NEUROD4: variants seen among roughly 807,000 people sequenced by gnomAD.
The protein encoded by NEUROD4 is neurogenic differentiation factor 4.
NEUROD4 carries 16 observed loss-of-function variants against 19.8 expected under a neutral mutation model. That is an observed-to-expected ratio of 0.81 (90% confidence interval 0.55 to 1.23). The LOEUF is 1.23. Among genes scored for constraint, NEUROD4 ranks in the 50% most tolerant of loss-of-function variants. The pLI is 0.00. For synonymous variants in NEUROD4, 153 were observed against 147.9 expected (o/e 1.03, Z -0.25); for missense variants, 439 against 398.6 (o/e 1.10, Z -0.86).
At chr12:55,025,999 TAAC>T (rs1380898828) in intron 1 of NEUROD4, among the ~76,000 whole-genome samples, 2 of 152,210 alleles carry the variant, frequency 1.3e-5, no homozygotes, top group Admixed American at 6.5e-5. Context: ...TATTTTGTAG[TAAC>T]AATAATTATT....
chr12:55,029,157 T>A lies in NEUROD4; in HGVS notation c.*1722T>A, dbSNP rs1952767154. On this transcript the variant is annotated 3_prime_UTR_variant, in exon 2 of 2. Transcript: ENST00000242994. ...TATCTTGTCTGTTTACCTCTCTTAT[T>A]TATTATCTCCATACAGTATAAGTTA... The A allele has an allele frequency of 6.0e-6, 1 of 165,398 alleles. No homozygotes were observed. The highest frequency in any genetic ancestry group is 2.5e-5 in the African/African-American group (1 of 40,584). 10.2% of individuals were successfully genotyped at this position (165,398 alleles called of 1,614,324 possible).
chr12:55,022,095 A>G (rs1408431964), intron 1 of NEUROD4, among the ~76,000 whole-genome samples: 1 of 152,066 alleles, frequency 6.6e-6, no homozygotes, highest in Non-Finnish European at 1.5e-5. Context: ...TTATCTCCTT[A>G]TTTTTCATGA....
rs528907894 is a variant in NEUROD4, at chr12:55,029,935, T to C, written c.*2500T>C. Reference sequence around the variant, plus strand: ...GGAGACTTTTTTAGATAAAGTAAAATAATTGTTTAAATATTTTGTTTAAAA... The same window carrying C: ...GGAGACTTTTTTAGATAAAGTAAAACAATTGTTTAAATATTTTGTTTAAAA... On this transcript the variant is annotated 3_prime_UTR_variant, in exon 2 of 2. Transcript: ENST00000242994. The C allele has an allele frequency of 6.0e-6, 1 of 167,126 alleles. No homozygotes were observed. Among genetic ancestry groups the C allele is most frequent in the Non-Finnish European group, 1.5e-5 (1 of 68,094 alleles). 10.4% of individuals were successfully genotyped at this position (167,126 alleles called of 1,614,324 possible).
chr12:55,026,826 T>C lies in NEUROD4; in HGVS notation c.387T>C (p.Leu129=), dbSNP rs778315500. 2 of 1,614,112 alleles carry C rather than the reference T, an allele frequency of 1.2e-6. No individual in the cohort carries two copies. Among genetic ancestry groups the C allele is most frequent in the South Asian group, 2.2e-5 (2 of 91,080 alleles). Residue 129 remains leucine (L), a synonymous_variant, in exon 2 of 2, where the codon CTT becomes CTC. Transcript: ENST00000242994. ...AAAAACTTTCCAAGATAGAGACTCT[T>C]AGACTGGCCAGGAACTATATTTGGG... ...KTQKLSKIET[L]RLARNYIWAL...
At position 55,020,296 on chromosome 12, in the gene NEUROD4, G is replaced by A. The variant is rs959870998; in HGVS notation, c.-27G>A. 2.6e-5 allele frequency: 4 copies of A among 152,284 alleles called. No homozygotes were observed. Among genetic ancestry groups the A allele is most frequent in the African/African-American group, 7.2e-5 (3 of 41,446 alleles). 9.4% of individuals were successfully genotyped at this position (152,284 alleles called of 1,614,324 possible). A position where few individuals can be genotyped will look rare whatever the true frequency, so the allele number is the denominator to read the frequency against. The stretch of plus-strand genomic sequence containing the variant: ...CGCAGATTCACAGAGTTCACTCCAG[G>A]AACGGCCAGTGACCGAGGTGAGCCA... On this transcript the variant is annotated 5_prime_UTR_variant, in exon 1 of 2. Coordinates refer to ENST00000242994, the MANE Select transcript of NEUROD4 (RefSeq NM_021191.3).
chr12:55,021,856 A>G (rs1169977448), intron 1 of NEUROD4, among the ~76,000 whole-genome samples: 2 of 152,132 alleles, frequency 1.3e-5, no homozygotes, highest in African/African-American at 2.4e-5. Context: ...TGTGTAGGGA[A>G]GGGCCAGATT....
In NEUROD4 at chr12:55,026,809, T is replaced by C. The variant is rs765828652; in HGVS notation, c.370T>C (p.Ser124Pro). Residue 124 changes from serine to proline, a missense_variant, in exon 2 of 2, where the codon TCC becomes CCC. Transcript: ENST00000242994. ...MPCYSKTQKL[S>P]KIETLRLARN... is the part of the protein sequence containing the mutation. ...ATGCTACTCTAAAACCCAAAAACTTTCCAAGATAGAGACTCTTAGACTGGC... is the reference window on the plus strand; with the variant it reads ...ATGCTACTCTAAAACCCAAAAACTTCCCAAGATAGAGACTCTTAGACTGGC... 9 of 1,613,930 alleles carry C rather than the reference T, an allele frequency of 5.6e-6. No homozygotes were observed. The highest frequency in any genetic ancestry group is 2.5e-6 in the Non-Finnish European group (3 of 1,180,012).
intron 1 of NEUROD4, among the ~76,000 whole-genome samples, chr12:55,021,084 T>C (rs563782035): frequency 1.2e-3 from 182 of 152,334 alleles, no homozygotes; most frequent in Non-Finnish European, 1.2e-3. Context: ...AATAAGGGAC[T>C]GAATAACTTC....
chr12:55,027,480 C>T lies in NEUROD4; in HGVS notation c.*45C>T, dbSNP rs1323770949. 6 of 1,528,606 alleles carry T rather than the reference C, an allele frequency of 3.9e-6. No homozygotes were observed. Among genetic ancestry groups the T allele is most frequent in the African/African-American group, 2.8e-5 (2 of 71,958 alleles). 94.7% of individuals were successfully genotyped at this position (1,528,606 alleles called of 1,614,324 possible). On this transcript the variant is annotated 3_prime_UTR_variant, in exon 2 of 2. Transcript: ENST00000242994. Reference sequence around the variant, plus strand: ...TCAGAGAATGACGTGGAGACATTTTCCATAATTCAAGTGGTTGAGCTAAAG... The same window carrying T: ...TCAGAGAATGACGTGGAGACATTTTTCATAATTCAAGTGGTTGAGCTAAAG...
intron 1 of NEUROD4, among the ~76,000 whole-genome samples, chr12:55,020,968 C>A (rs1432015458): frequency 4.6e-5 from 7 of 151,884 alleles, no homozygotes. Context: ...CATCATTTGC[C>A]CGCAAAAAAA....
chr12:55,020,802 T>G (rs1952668806), intron 1 of NEUROD4, among the ~76,000 whole-genome samples: 2 of 152,154 alleles, frequency 1.3e-5, no homozygotes, highest in Non-Finnish European at 2.9e-5. Flanking sequence ...TGGAAAATCC[T>G]CGGGGTAGAT....
rs1040188052 is a variant in NEUROD4, at chr12:55,028,542, G to T, written c.*1107G>T. The T allele has an allele frequency of 1.8e-5, 3 of 166,912 alleles. No homozygotes were observed. Among genetic ancestry groups the T allele is most frequent in the African/African-American group, 7.2e-5 (3 of 41,382 alleles). The allele number at this position is 166,912 out of a possible 1,614,324, so 10.3% of individuals were successfully genotyped here. ...AGATGAATTTCATTTGGTTAAACGT[G>T]ATTAAAACCATCCACCTCTGTCCAC... On this transcript the variant is annotated 3_prime_UTR_variant, in exon 2 of 2. Transcript: ENST00000242994.
rs1398423319 is a variant in NEUROD4 at position 55,027,339 on chromosome 12, T to TG, written c.902dup (p.Thr302TyrfsTer5). 1.2e-6 allele frequency: 2 copies of TG among 1,614,172 alleles called. 1 individual carries two copies. The highest frequency in any genetic ancestry group is 3.3e-5 in the Admixed American group (2 of 60,020). On this transcript the variant is annotated frameshift_variant, in exon 2 of 2. Coordinates refer to ENST00000242994, the MANE Select transcript of NEUROD4 (RefSeq NM_021191.3). LOFTEE classifies it high-confidence loss of function. ...ATGTGCATTCAACTCCTTTTCAGGC[T>TG]GGTACCCCCCGTTATGATGTTCCTA...
chr12:55,022,482 T>C (rs190888838), intron 1 of NEUROD4, among the ~76,000 whole-genome samples: 20 of 152,182 alleles, frequency 1.3e-4, no homozygotes, highest in Non-Finnish European at 2.6e-4. Flanking sequence ...CATTTTTCTT[T>C]ATATTTCAGG....
In NEUROD4 at chr12:55,029,882, C is replaced by T. The variant is rs1952772692; in HGVS notation, c.*2447C>T. The T allele has an allele frequency of 6.0e-6, 1 of 167,028 alleles. No homozygotes were observed. The highest frequency in any genetic ancestry group is 1.5e-5 in the Non-Finnish European group (1 of 68,104). 10.3% of individuals were successfully genotyped at this position (167,028 alleles called of 1,614,324 possible). On this transcript the variant is annotated 3_prime_UTR_variant, in exon 2 of 2. Transcript: ENST00000242994. Reference sequence around the variant, plus strand: ...TGCAATAGCTTGTAAAGAGCCTGCTCTCCAACATAGGGTGGTCTCATTCTT... The same window carrying T: ...TGCAATAGCTTGTAAAGAGCCTGCTTTCCAACATAGGGTGGTCTCATTCTT...
chr12:55,024,957 A>G (rs192354021), intron 1 of NEUROD4, among the ~76,000 whole-genome samples: 2 of 152,342 alleles, frequency 1.3e-5, no homozygotes, highest in East Asian at 1.9e-4. Flanking sequence ...TTTAAAAGCT[A>G]TGTACTAATC....
Position 55,026,662 on chromosome 12 carries a change from AAG to A in NEUROD4, c.225_226del (p.Lys76AspfsTer7). 1 of 1,614,124 alleles carries A rather than the reference AAG, an allele frequency of 6.2e-7. No individual in the cohort carries two copies. The highest frequency in any genetic ancestry group is 8.5e-7 in the Non-Finnish European group (1 of 1,180,006). On this transcript the variant is annotated frameshift_variant, in exon 2 of 2. Transcript: ENST00000242994. LOFTEE classifies it high-confidence loss of function. ...ACCTAAGAGAAGGGGTCCCAAGAAA[AAG>A]AAGATGACCAAAGCTCGCCTTGAGA... The part of the protein sequence containing the change: ...EKPKRRGPKK[K>X]KMTKARLERF...
chr12:55,023,278 C>T (rs1952687622), intron 1 of NEUROD4, among the ~76,000 whole-genome samples: 1 of 151,928 alleles, frequency 6.6e-6, no homozygotes, highest in East Asian at 1.9e-4. Context: ...GAGGTAATAT[C>T]CAGATAATAA....
At position 55,028,596 on chromosome 12, in the gene NEUROD4, CCAAT is replaced by C. The variant is rs1307282021; in HGVS notation, c.*1166_*1169del. 1.2e-5 allele frequency: 2 copies of C among 166,990 alleles called. No individual in the cohort carries two copies. The highest frequency in any genetic ancestry group is 2.9e-5 in the Non-Finnish European group (2 of 68,118). 10.3% of individuals were successfully genotyped at this position (166,990 alleles called of 1,614,324 possible). On this transcript the variant is annotated 3_prime_UTR_variant, in exon 2 of 2. Coordinates refer to ENST00000242994, the MANE Select transcript of NEUROD4 (RefSeq NM_021191.3). ...AATATATTTTCCAGAAGCACAAGCA[CCAAT>C]CAATTTATTGATCAAGGTTAAATTT...
Sources: allele counts gnomAD v4.1 joint callset (sites outside exome capture counted in the v4.1 genomes callset), GRCh38; gene constraint gnomAD v4.1.1; transcripts MANE v1.5; gene names NCBI Gene and HGNC (gene_info 2026-07-23, HGNC 2026-07-21).